The following ARAP2 variants were observed in gnomAD, a reference collection of about 807,000 sequenced individuals.
ARAP2 encodes the protein arf-GAP with Rho-GAP domain, ANK repeat and PH domain-containing protein 2.
ARAP2 carries 148 observed loss-of-function variants against 194.5 expected under a neutral mutation model. The observed-to-expected ratio is 0.76, with a 90% CI of 0.67 to 0.87. ARAP2 has a LOEUF of 0.87. Ranked by LOEUF, ARAP2 falls within the 40% of genes least tolerant of loss-of-function variation. The pLI is 0.00. For synonymous variants in ARAP2, 695 were observed against 683.5 expected (o/e 1.02, Z -0.26); for missense variants, 2,128 against 1,989.7 (o/e 1.07, Z -1.32).
At chr4:36,129,853 A>ACG (rs946314756) in intron 20 of ARAP2, among the ~76,000 whole-genome samples, 6 of 151,532 alleles carry the variant, frequency 4.0e-5, no homozygotes, top group Admixed American at 3.3e-4. Context: ...ATACACACAC[A>ACG]CACACCCATA....
At chr4:36,178,410 T>C (rs191390854) in intron 8 of ARAP2, among the ~76,000 whole-genome samples, 2 of 152,280 alleles carry the variant, frequency 1.3e-5, no homozygotes, top group Admixed American at 1.3e-4. Flanking sequence ...ACCCAACAAT[T>C]AACAGATTGT....
chr4:36,228,825 C>G lies in ARAP2; in HGVS notation c.662G>C (p.Gly221Ala). The G allele has an allele frequency of 6.2e-7, 1 of 1,614,098 alleles. No homozygotes were observed. The highest frequency in any genetic ancestry group is 8.5e-7 in the Non-Finnish European group (1 of 1,180,008). The change falls in exon 2 of 33, where the codon GGC (glycine) becomes GCC (alanine). Residue 221 changes from glycine (G) to alanine (A), a missense_variant. Physicochemically the swap from Gly to Ala is moderately conservative, Grantham distance 60. Transcript: ENST00000303965. Reference protein sequence around the residue: ...NADSECLSFVGCSTSGTNSGN... With the variant: ...NADSECLSFVACSTSGTNSGN... ...AGAATTTGTTCCTGATGTTGAACAG[C>G]CAACAAAAGAAAGGCATTCAGAGTC...
chr4:36,164,466 C>T (rs1486835463), intron 11 of ARAP2, among the ~76,000 whole-genome samples: 1 of 152,108 alleles, frequency 6.6e-6, no homozygotes, highest in Non-Finnish European at 1.5e-5. Flanking sequence ...TTGTGAAATG[C>T]TTCTTTATAA....
Position 36,121,279 on chromosome 4 carries a change from G to C in ARAP2, c.3794C>G (p.Ala1265Gly). 1 of 1,604,132 alleles carries C rather than the reference G, an allele frequency of 6.2e-7. No individual in the cohort carries two copies. Among genetic ancestry groups the C allele is most frequent in the East Asian group, 2.3e-5 (1 of 44,344 alleles). Residue 1265 changes from alanine to glycine, a missense_variant, in exon 23 of 33, where the codon GCC becomes GGC. Coordinates refer to ENST00000303965, the MANE Select transcript of ARAP2 (RefSeq NM_015230.4). ...AAACAAACAGGATGAAAAGACCAAG[G>C]CCAAATTATGGGCATTCATGTGATT... ...EINHMNAHNL[A>G]LVFSSCLFQT... is the part of the protein sequence containing the mutation.
downstream of ARAP2, among the ~76,000 whole-genome samples, chr4:36,061,066 T>TA (rs199579166): frequency 6.6e-5 from 10 of 151,698 alleles, no homozygotes; most frequent in South Asian, 2.1e-4. Context: ...GTTTTTTAAT[T>TA]AAAAAAAAAT....
intron 7 of ARAP2, among the ~76,000 whole-genome samples, chr4:36,187,828 A>G (rs1740915655): frequency 6.6e-6 from 1 of 152,356 alleles, no homozygotes; most frequent in East Asian, 1.9e-4. Flanking sequence ...AATCAAATAC[A>G]AACAATCCTA....
chr4:36,011,540 T>A (rs184052721), intron 9 of ARAP2, among the ~76,000 whole-genome samples: 1 of 152,232 alleles, frequency 6.6e-6, no homozygotes, highest in East Asian at 1.9e-4. Flanking sequence ...TTCCAGAGAA[T>A]CTTAGAAACA....
chr4:36,137,075 TGA>T (rs1358428147), intron 19 of ARAP2, among the ~76,000 whole-genome samples: 1 of 151,890 alleles, frequency 6.6e-6, no homozygotes, highest in East Asian at 1.9e-4. Flanking sequence ...TAAAGGCTGA[TGA>T]GATACTCTAA....
chr4:36,123,953 T>C (rs775233633), intron 22 of ARAP2, among the ~76,000 whole-genome samples: 4 of 151,846 alleles, frequency 2.6e-5, no homozygotes, highest in Non-Finnish European at 4.4e-5. Context: ...ATTTATCCTC[T>C]ATAATTCCAT....
In ARAP2 at chr4:36,158,135, T is replaced by C. The variant is rs180808410; in HGVS notation, c.2752+595A>G. Among the ~76,000 whole-genome samples, 26 of 152,304 alleles carry C rather than the reference T, an allele frequency of 1.7e-4. No individual in the cohort carries two copies. In the East Asian group the frequency reaches 2.1e-3, roughly 12 times the overall value. Reference sequence around the variant, plus strand: ...ATTTCTAAAATCCCGATACATAGCATTGGTTTGACACAAGGAGTTGGAAGG... The same window carrying C: ...ATTTCTAAAATCCCGATACATAGCACTGGTTTGACACAAGGAGTTGGAAGG... On this transcript the variant is annotated intron_variant, in intron 15 of 32. Coordinates refer to ENST00000303965, the MANE Select transcript of ARAP2 (RefSeq NM_015230.4).
At chr4:36,224,927 T>C (rs1158675245) in intron 2 of ARAP2, among the ~76,000 whole-genome samples, 1 of 152,204 alleles carries the variant, frequency 6.6e-6, no homozygotes, top group Non-Finnish European at 1.5e-5. Context: ...CAAATGCTGA[T>C]TACTTTTCTG....
intron 8 of ARAP2, chr4:36,012,873 C>T (rs1393969270): frequency 6.6e-6 from 1 of 152,142 alleles, no homozygotes; most frequent in Non-Finnish European, 1.5e-5. Flanking sequence ...TGGTATCAAG[C>T]TCTGTAAAAT....
intron 26 of ARAP2, 141 bp from the exon 27 acceptor site, chr4:36,107,834 C>G: frequency 7.2e-6 from 5 of 691,452 alleles, no homozygotes; most frequent in Non-Finnish European, 1.1e-5. Flanking sequence ...TTATATTATA[C>G]AGTAATAGCA....
In ARAP2 at chr4:36,068,094, G is replaced by T; in HGVS notation, c.4928C>A (p.Ala1643Asp). 6.2e-7 allele frequency: 1 copy of T among 1,614,100 alleles called. No individual in the cohort carries two copies. The highest frequency in any genetic ancestry group is 1.7e-5 in the Admixed American group (1 of 60,014). The part of the protein sequence containing the change: ...FNCLEDTEPE[A>D]PLGQPKGHKG... ...ATGGCCTTTTGGTTGCCCAAGTGGG[G>T]CTTCAGGCTCTGTGTCCTCCAGGCA... Residue 1643 changes from alanine (A) to aspartate (D), a missense_variant, in exon 33 of 33, where the codon GCC (alanine) becomes GAC (aspartate). Physicochemically the swap from Ala to Asp is moderately radical, Grantham distance 126. Coordinates refer to ENST00000303965, the MANE Select transcript of ARAP2 (RefSeq NM_015230.4).
chr4:36,116,180 A>G (rs1721266354), intron 25 of ARAP2, among the ~76,000 whole-genome samples: 1 of 151,988 alleles, frequency 6.6e-6, no homozygotes, highest in South Asian at 2.1e-4. Flanking sequence ...AGCTTCATGT[A>G]CTAAGTAATG....
rs750665492 is a variant in ARAP2, at chr4:36,210,628, T to C, written c.1249A>G (p.Thr417Ala). Residue 417 changes from threonine to alanine, a missense_variant, in exon 6 of 33, where the codon ACA (threonine) becomes GCA (alanine). Transcript: ENST00000303965. ...AAACTCTGAAAGCATTCTTCTACTG[T>C]TGAGTATTCTGATTCAGAAGCAGTG... Reference protein sequence around the residue: ...IDTASESEYSTVEECFQSLRR... With the variant: ...IDTASESEYSAVEECFQSLRR... The C allele has an allele frequency of 3.1e-5, 50 of 1,613,920 alleles. No individual in the cohort carries two copies. The highest frequency in any genetic ancestry group is 4.2e-5 in the Non-Finnish European group (49 of 1,179,876).
chr4:36,215,880 CA>C (rs1482425150), intron 2 of ARAP2, among the ~76,000 whole-genome samples: 1 of 150,720 alleles, frequency 6.6e-6, no homozygotes, highest in Non-Finnish European at 1.5e-5. Context: ...AGCACACACA[CA>C]AGAACAAAAA....
intron 18 of ARAP2, 89 bp from the exon 19 acceptor site, chr4:36,147,448 T>C (rs1417126545): frequency 1.3e-6 from 2 of 1,561,680 alleles, no homozygotes; most frequent in Non-Finnish European, 8.8e-7. Flanking sequence ...TGCTTAGTCA[T>C]AAGTTTGGGA....
chr4:36,154,998 A>G (rs994257641), intron 15 of ARAP2, among the ~76,000 whole-genome samples: 4 of 152,220 alleles, frequency 2.6e-5, no homozygotes, highest in African/African-American at 9.6e-5. Context: ...TTTCCTGTTT[A>G]TTTGTAAATA....
Sources: gnomAD v4.1 joint callset for allele counts (sites outside exome capture counted in the v4.1 genomes callset) on GRCh38, gnomAD v4.1.1 for gene constraint, MANE v1.5 for transcripts, NCBI Gene and HGNC (gene_info 2026-07-23, HGNC 2026-07-21) for gene names.